MSI2: variants seen among roughly 807,000 people sequenced by gnomAD.
MSI2 encodes RNA-binding protein Musashi homolog 2.
Under a neutral mutation model 45.6 loss-of-function variants are expected in MSI2, and 17 were observed. The ratio of observed to expected loss-of-function variants is 0.37; its 90% CI spans 0.26 to 0.56. The LOEUF (loss-of-function observed/expected upper bound fraction) is 0.56. Among genes scored for constraint, MSI2 ranks in the 20% least tolerant of loss-of-function variants. The pLI, the probability that MSI2 is intolerant of heterozygous loss-of-function variation, is 0.77. For missense variants in MSI2, 293 were observed against 444.2 expected, an observed-to-expected ratio of 0.66 and a Z score of 3.06; for synonymous variants, 156 against 158.2, an observed-to-expected ratio of 0.99 and a Z score of 0.11.
In MSI2 at chr17:57,340,470, G is replaced by A. The variant is rs140199678; in HGVS notation, c.313-60909G>A. Reference sequence around the variant, plus strand: ...CAAGCTCTGGCACTAACAAATATTAGTTCCTTCCTTTTGTTGCCCTGGAAC... The same window carrying A: ...CAAGCTCTGGCACTAACAAATATTAATTCCTTCCTTTTGTTGCCCTGGAAC... On this transcript the variant is annotated intron_variant, in intron 5 of 13. Coordinates refer to ENST00000284073, the MANE Select transcript of MSI2 (RefSeq NM_138962.4). Among the ~76,000 whole-genome samples, 60 of 152,326 alleles carry A rather than the reference G, an allele frequency of 3.9e-4. 2 individuals are homozygous for A. The East Asian group carries it at 0.01, about 26-fold the overall frequency.
chr17:57,476,097 A>G lies in MSI2; in HGVS notation c.406-53579A>G, dbSNP rs142568493. ...TTCTGGAGAATTTTTAATTGGCACA[A>G]AAGGGCAGTTTAGCCGGCATCTTGT... On this transcript the variant is annotated intron_variant, in intron 6 of 13. Transcript: ENST00000284073. Among the ~76,000 whole-genome samples the G allele has an allele frequency of 3.5e-4, 53 of 152,328 alleles. 1 individual carries two copies. The East Asian group carries it at 9.6e-3, about 28-fold the overall frequency.
intron 7 of MSI2, among the ~76,000 whole-genome samples, chr17:57,534,361 G>A (rs187528554): frequency 4.8e-4 from 73 of 152,342 alleles, no homozygotes; most frequent in Non-Finnish European, 8.2e-4. Flanking sequence ...AGGCACATAA[G>A]TTTGGAATAT....
chr17:57,257,720 T>G (rs951402502), intron 3 of MSI2, among the ~76,000 whole-genome samples, 173 bp downstream of exon 3: 16 of 152,170 alleles, frequency 1.1e-4, no homozygotes, highest in Non-Finnish European at 2.1e-4. Flanking sequence ...CAGAGGTTAT[T>G]GTTAATTGGA....
intron 7 of MSI2, among the ~76,000 whole-genome samples, chr17:57,563,728 TCACA>T (rs371196033): frequency 1.0e-4 from 15 of 144,614 alleles, no homozygotes; most frequent in African/African-American, 2.4e-4. Context: ...TCTTTCCCTC[TCACA>T]CACACACAGG....
In MSI2 at chr17:57,508,303, C is replaced by T. The variant is rs185839982; in HGVS notation, c.406-21373C>T. Among the ~76,000 whole-genome samples, 255 of 152,300 alleles carry T rather than the reference C, an allele frequency of 1.7e-3. 1 individual carries two copies. Among genetic ancestry groups the T allele is most frequent in the Middle Eastern group, 6.8e-3 (2 of 294 alleles). ...CCCTTCCTCTGCTGCCCGTATCCAG[C>T]GCAGACTTCCCGGACCTCCAGCCCC... On this transcript the variant is annotated intron_variant, in intron 6 of 13. Coordinates refer to ENST00000284073, the MANE Select transcript of MSI2 (RefSeq NM_138962.4).
intron 5 of MSI2, among the ~76,000 whole-genome samples, chr17:57,270,577 T>C (rs1190667943): frequency 6.6e-6 from 1 of 152,244 alleles, no homozygotes; most frequent in East Asian, 1.9e-4. Flanking sequence ...AAGTGCCACT[T>C]ACCAGCTATG....
At chr17:57,445,589 G>C (rs949948234) in intron 6 of MSI2, among the ~76,000 whole-genome samples, 2 of 151,942 alleles carry the variant, frequency 1.3e-5, no homozygotes, top group Non-Finnish European at 2.9e-5. Flanking sequence ...CTTTTTAGTA[G>C]GTTTAATTGT....
At chr17:57,520,430 C>G (rs1027934731) in intron 6 of MSI2, among the ~76,000 whole-genome samples, 1 of 152,052 alleles carries the variant, frequency 6.6e-6, no homozygotes, top group African/African-American at 2.4e-5. Context: ...ATAGAATGAT[C>G]CCACAAGAAT....
At chr17:57,460,005 TG>T (rs1312864232) in intron 6 of MSI2, among the ~76,000 whole-genome samples, 4 of 151,916 alleles carry the variant, frequency 2.6e-5, no homozygotes, top group Non-Finnish European at 5.9e-5. Flanking sequence ...GACAGGCACC[TG>T]TAATCTCAGC....
rs143212812 is a variant in MSI2, at chr17:57,491,052, C to G, written c.406-38624C>G. Among the ~76,000 whole-genome samples, 74 of 152,320 alleles carry G rather than the reference C, an allele frequency of 4.9e-4. 1 individual carries two copies. In the East Asian group the frequency reaches 0.014, roughly 29 times the overall value. ...GACGGATGGGAGGTGTCACACTGCCCCTCGTGGGCCATTGCCTCACAGCTT... is the reference window on the plus strand; with the variant it reads ...GACGGATGGGAGGTGTCACACTGCCGCTCGTGGGCCATTGCCTCACAGCTT... On this transcript the variant is annotated intron_variant, in intron 6 of 13. Coordinates refer to ENST00000284073, the MANE Select transcript of MSI2 (RefSeq NM_138962.4).
At chr17:57,574,945 C>T (rs1418113527) in intron 7 of MSI2, among the ~76,000 whole-genome samples, 1 of 151,812 alleles carries the variant, frequency 6.6e-6, no homozygotes, top group East Asian at 1.9e-4. Context: ...ATTCTGCTGC[C>T]TCAGCCTCCC....
At chr17:57,260,972 T>C (rs1274099095) in intron 4 of MSI2, among the ~76,000 whole-genome samples, 1 of 152,146 alleles carries the variant, frequency 6.6e-6, no homozygotes, top group African/African-American at 2.4e-5. Context: ...GATTTACTTT[T>C]TAAAAGGAAA....
chr17:57,437,188 AC>A (rs2084705552), intron 6 of MSI2, among the ~76,000 whole-genome samples: 1 of 152,124 alleles, frequency 6.6e-6, no homozygotes, highest in African/African-American at 2.4e-5. Flanking sequence ...CAGTAACCTT[AC>A]TTTTGGATTT....
Position 57,680,067 on chromosome 17 carries a change from T to C in MSI2, c.*550T>C, listed in dbSNP as rs998899953. On this transcript the variant is annotated 3_prime_UTR_variant, in exon 14 of 14. Transcript: ENST00000284073. ...ACTGTATGAATTTTCAGGTGGAACT[T>C]TAGCACACACTGAAGCAAAGTTGTG... 2 of 228,610 alleles carry C rather than the reference T, an allele frequency of 8.7e-6. No homozygotes were observed. The highest frequency in any genetic ancestry group is 2.2e-5 in the African/African-American group (1 of 45,108). The allele number at this position is 228,610 out of a possible 1,614,324, so 14.2% of individuals were successfully genotyped here. A position where few individuals can be genotyped will look rare whatever the true frequency, so the allele number is the denominator to read the frequency against.
intron 7 of MSI2, among the ~76,000 whole-genome samples, chr17:57,547,734 C>T (rs1210110071): frequency 7.8e-6 from 1 of 128,980 alleles, no homozygotes; most frequent in African/African-American, 2.9e-5. Context: ...GTTGCATAGA[C>T]AAAAAGTACA....
intron 7 of MSI2, among the ~76,000 whole-genome samples, chr17:57,583,249 C>T (rs2088252082): frequency 6.6e-6 from 1 of 152,198 alleles, no homozygotes; most frequent in South Asian, 2.1e-4. Context: ...TACTGGTTAC[C>T]TGTAAACAGC....
In MSI2 at chr17:57,583,491, T is replaced by TTTTTTTTTTTC. The variant is rs1555627601; in HGVS notation, c.455-13367_455-13366insCTTTTTTTTTT. Among the ~76,000 whole-genome samples the TTTTTTTTTTTC allele has an allele frequency of 1.0e-4, 14 of 140,546 alleles. 1 individual carries two copies. The highest frequency in any genetic ancestry group is 2.2e-4 in the South Asian group (1 of 4,488). 92.2% of individuals were successfully genotyped at this position (140,546 alleles called of 152,430 possible). On this transcript the variant is annotated intron_variant, in intron 7 of 13. Coordinates refer to ENST00000284073, the MANE Select transcript of MSI2 (RefSeq NM_138962.4). The stretch of plus-strand genomic sequence containing the variant: ...TTTTTTCCTTCTCCCAATGTTTCTT[T>TTTTTTTTTTTC]TTTTTTTTTTTTTTTTGAGACAGGG...
chr17:57,402,118 C>A (rs979330319), intron 6 of MSI2, among the ~76,000 whole-genome samples: 1 of 152,082 alleles, frequency 6.6e-6, no homozygotes, highest in Admixed American at 6.6e-5. Flanking sequence ...AGAGTCAGAC[C>A]GACTGATAGG....
intron 6 of MSI2, among the ~76,000 whole-genome samples, chr17:57,516,295 A>T (rs576742283): frequency 2.0e-5 from 3 of 152,208 alleles, no homozygotes; most frequent in Non-Finnish European, 4.4e-5. Context: ...GGAGTCATAC[A>T]GTATGTAATA....
Sources: gnomAD v4.1 joint callset for allele counts (sites outside exome capture counted in the v4.1 genomes callset) on GRCh38, gnomAD v4.1.1 for gene constraint, MANE v1.5 for transcripts, NCBI Gene and HGNC (gene_info 2026-07-23, HGNC 2026-07-21) for gene names.